Variants in CADPS observed in about 807,000 individuals in gnomAD.
The protein encoded by CADPS is calcium-dependent secretion activator 1.
In CADPS, 57 loss-of-function variants were observed where a neutral mutation model predicts 167.3. The observed-to-expected ratio is 0.34, with a 90% CI of 0.28 to 0.42. CADPS has a LOEUF of 0.42. Ranked by LOEUF, CADPS falls within the 20% of genes least tolerant of loss-of-function variation. The probability of loss-of-function intolerance (pLI) is 1.00; values close to 1 mark genes in which losing one functional copy is unlikely to be tolerated. For missense variants in CADPS, 1,414 were observed against 1,738.1 expected, an observed-to-expected ratio of 0.81 and a Z score of 3.32; for synonymous variants, 676 against 635.3, an observed-to-expected ratio of 1.06 and a Z score of -0.96.
chr3:62,536,409 A>T (rs1352264499), intron 12 of CADPS, 36 bp downstream of exon 12: 1 of 1,567,764 alleles, frequency 6.4e-7, no homozygotes, highest in Non-Finnish European at 8.7e-7. Flanking sequence ...AAAAAATGTT[A>T]TGTTTAAATT....
intron 26 of CADPS, among the ~76,000 whole-genome samples, chr3:62,450,618 C>G (rs2057899011): frequency 6.6e-6 from 1 of 152,176 alleles, no homozygotes; most frequent in South Asian, 2.1e-4. Context: ...CCCCGACTCT[C>G]CAGATAGAGC....
intron 3 of CADPS, among the ~76,000 whole-genome samples, chr3:62,668,501 C>G (rs1029175813): frequency 6.6e-6 from 1 of 152,188 alleles, no homozygotes; most frequent in African/African-American, 2.4e-5. Context: ...TTCCTTATCT[C>G]TCCCTTGACT....
Position 62,421,652 on chromosome 3 carries a change from C to T in CADPS, c.3777+16452G>A, listed in dbSNP as rs571545709. On this transcript the variant is annotated intron_variant, in intron 28 of 29. Coordinates refer to ENST00000383710, the MANE Select transcript of CADPS (RefSeq NM_003716.4). The surrounding 1 kb of genome is among the most constrained non-coding windows in gnomAD (Gnocchi z 4.7). ...CCCCCACCCCTCCTGACGCTTCCCC[C>T]TTTTCCCCCCAAAGGAGGGGGAAGG... Among the ~76,000 whole-genome samples, 2 of 152,364 alleles carry T rather than the reference C, an allele frequency of 1.3e-5. No individual in the cohort carries two copies. The highest frequency in any genetic ancestry group is 4.8e-5 in the African/African-American group (2 of 41,600).
intron 4 of CADPS, among the ~76,000 whole-genome samples, chr3:62,660,287 G>T (rs2072863161): frequency 6.6e-6 from 1 of 152,168 alleles, no homozygotes; most frequent in African/African-American, 2.4e-5. Context: ...TATACTCGTT[G>T]TCTAAAATGC....
chr3:62,692,151 G>A (rs1253325397), intron 3 of CADPS, among the ~76,000 whole-genome samples: 1 of 151,788 alleles, frequency 6.6e-6, no homozygotes, highest in Non-Finnish European at 1.5e-5. Flanking sequence ...CATCTGAACT[G>A]CCTTGGAGTT....
chr3:62,652,895 C>G (rs774096356), intron 4 of CADPS, among the ~76,000 whole-genome samples: 2 of 152,020 alleles, frequency 1.3e-5, no homozygotes, highest in African/African-American at 2.4e-5. Context: ...AAGGGTTTTT[C>G]TTCCTTGCCA....
intron 1 of CADPS, among the ~76,000 whole-genome samples, chr3:62,766,912 G>A (rs969494442): frequency 2.0e-5 from 3 of 151,996 alleles, no homozygotes; most frequent in Non-Finnish European, 2.9e-5. Flanking sequence ...TGTTACATGC[G>A]GTGTCTTTTC....
chr3:62,553,430 A>G (rs1365505813), intron 10 of CADPS, among the ~76,000 whole-genome samples: 1 of 152,244 alleles, frequency 6.6e-6, no homozygotes, highest in African/African-American at 2.4e-5. Context: ...TAACTAGCCC[A>G]TGGACACAAA....
intron 28 of CADPS, among the ~76,000 whole-genome samples, chr3:62,406,937 C>T (rs1708708653): frequency 6.6e-6 from 1 of 152,204 alleles, no homozygotes; most frequent in African/African-American, 2.4e-5. Flanking sequence ...CTAACATCCA[C>T]CTGGGTTTGT....
chr3:62,522,094 GCTCT>G (rs1328155664), intron 13 of CADPS, among the ~76,000 whole-genome samples: 1 of 140,766 alleles, frequency 7.1e-6, no homozygotes, highest in African/African-American at 2.6e-5. Context: ...CATCCTCAAA[GCTCT>G]ATCTATCTAT....
At chr3:62,487,212 G>C (rs930799248) in intron 21 of CADPS, among the ~76,000 whole-genome samples, 6 of 152,196 alleles carry the variant, frequency 3.9e-5, no homozygotes, top group Non-Finnish European at 8.8e-5. Flanking sequence ...ATCTGTCAGG[G>C]AAAAGGTAGT....
intron 1 of CADPS, among the ~76,000 whole-genome samples, chr3:62,820,472 C>T (rs779165943): frequency 7.9e-5 from 12 of 152,208 alleles, no homozygotes; most frequent in Middle Eastern, 3.4e-3. Context: ...TATATTTTAT[C>T]CTTCAGAGCC....
At chr3:62,665,952 GTGT>G (rs1476966872) in intron 3 of CADPS, among the ~76,000 whole-genome samples, 9 of 152,322 alleles carry the variant, frequency 5.9e-5, no homozygotes, top group Non-Finnish European at 8.8e-5. Flanking sequence ...GCTGCTCCTT[GTGT>G]TGTTATTTTA....
At chr3:62,847,284 T>TGC (rs1183043762) in intron 1 of CADPS, among the ~76,000 whole-genome samples, 1 of 143,944 alleles carries the variant, frequency 6.9e-6, no homozygotes, top group African/African-American at 2.9e-5. Flanking sequence ...TTTTTAACTT[T>TGC]TTTTTTTTTA....
intron 8 of CADPS, among the ~76,000 whole-genome samples, chr3:62,578,945 G>A (rs1356449595): frequency 2.0e-5 from 3 of 152,186 alleles, no homozygotes; most frequent in Non-Finnish European, 4.4e-5. Flanking sequence ...GGAGACCTAT[G>A]AGGAGGAGAG....
At chr3:62,407,174 T>G (rs1337784139) in intron 28 of CADPS, among the ~76,000 whole-genome samples, 1 of 152,144 alleles carries the variant, frequency 6.6e-6, no homozygotes, top group Admixed American at 6.6e-5. Flanking sequence ...ATCTTTCTTC[T>G]CTTTTTTCTC....
chr3:62,811,146 G>C (rs2094374753), intron 1 of CADPS, among the ~76,000 whole-genome samples: 1 of 152,174 alleles, frequency 6.6e-6, no homozygotes. Flanking sequence ...AAAGGAGTTG[G>C]AGGGAAAGCA....
chr3:62,738,239 T>C (rs1184424904), intron 3 of CADPS, among the ~76,000 whole-genome samples: 1 of 152,150 alleles, frequency 6.6e-6, no homozygotes, highest in Admixed American at 6.6e-5. Context: ...CCTGCCCATT[T>C]CAGAGTGACA....
At chr3:62,768,387 AG>A (rs1227871530) in intron 1 of CADPS, among the ~76,000 whole-genome samples, 1 of 152,136 alleles carries the variant, frequency 6.6e-6, no homozygotes, top group Non-Finnish European at 1.5e-5. Context: ...ATGGGGCAGG[AG>A]AGGAATGGAG....
Sources: allele counts gnomAD v4.1 joint callset (sites outside exome capture counted in the v4.1 genomes callset), GRCh38; gene constraint gnomAD v4.1.1; non-coding constraint Gnocchi (gnomAD v3.1); transcripts MANE v1.5; gene names NCBI Gene and HGNC (gene_info 2026-07-23, HGNC 2026-07-21).